Variants in PKIG observed in about 807,000 individuals in gnomAD.
PKIG encodes protein kinase (cAMP-dependent, catalytic) inhibitor gamma.
In PKIG, 1 loss-of-function variant was observed where a neutral mutation model predicts 6.8. The observed-to-expected ratio is 0.15, with a 90% CI of 0.05 to 0.69. The LOEUF is 0.69. Ranked by LOEUF, PKIG falls within the 30% of genes least tolerant of loss-of-function variation. The pLI is 0.82. For synonymous variants in PKIG, 39 were observed against 43.0 expected (o/e 0.91, Z 0.36); for missense variants, 77 against 104.0 (o/e 0.74, Z 1.13).
chr20:44,544,436 GTAGA>G (rs1463664417), intron 1 of PKIG, among the ~76,000 whole-genome samples: 1 of 152,186 alleles, frequency 6.6e-6, no homozygotes, highest in Non-Finnish European at 1.5e-5. Flanking sequence ...TAAGTCCAAA[GTAGA>G]TAGTCTGTTC....
intron 1 of PKIG, among the ~76,000 whole-genome samples, chr20:44,584,000 C>T (rs566808644): frequency 3.9e-5 from 6 of 152,172 alleles, no homozygotes; most frequent in African/African-American, 1.4e-4. Flanking sequence ...TGTATGTGCA[C>T]ACGCATACAC....
At chr20:44,569,903 AGGATTACT>A (rs1420751294) in intron 1 of PKIG, among the ~76,000 whole-genome samples, 1 of 152,186 alleles carries the variant, frequency 6.6e-6, no homozygotes, top group Non-Finnish European at 1.5e-5. Flanking sequence ...CCAAGGCATG[AGGATTACT>A]TGAGACCAGA....
intron 2 of PKIG, among the ~76,000 whole-genome samples, chr20:44,607,291 G>C (rs1178274275): frequency 6.6e-6 from 1 of 151,490 alleles, no homozygotes; most frequent in African/African-American, 2.4e-5. Flanking sequence ...AGTGGCTTCA[G>C]AGTGATCTAC....
rs750733072 is a variant in PKIG at position 44,614,734 on chromosome 20, A to G, written c.151+27A>G. ...TTAGAGCCAGCAGGTCCTTGGCACT[A>G]CTGCATGCCAGAGGCCCTCTGCCGG... On this transcript the variant is annotated intron_variant, in intron 3 of 3. Coordinates refer to ENST00000372886, the MANE Select transcript of PKIG (RefSeq NM_001281445.2). This position sits in a 1 kb window ranked among gnomAD's most constrained non-coding sequence, Gnocchi z 4.6. The G allele has an allele frequency of 1.9e-6, 3 of 1,612,008 alleles. No homozygotes were observed. In the South Asian group the frequency reaches 3.3e-5, roughly 18 times the overall value.
intron 3 of PKIG, among the ~76,000 whole-genome samples, chr20:44,616,269 G>A (rs990443948): frequency 4.6e-5 from 7 of 152,080 alleles, no homozygotes; most frequent in Non-Finnish European, 8.8e-5. Flanking sequence ...CTGCCTCCAT[G>A]AGCCCACTGA....
At chr20:44,606,675 G>C (rs2065166161) in intron 2 of PKIG, among the ~76,000 whole-genome samples, 1 of 152,210 alleles carries the variant, frequency 6.6e-6, no homozygotes, top group Non-Finnish European at 1.5e-5. Context: ...TGGGCGTGGT[G>C]GTGCACACCT....
chr20:44,552,618 A>G (rs2064679162), intron 1 of PKIG, among the ~76,000 whole-genome samples: 1 of 152,194 alleles, frequency 6.6e-6, no homozygotes, highest in Non-Finnish European at 1.5e-5. Flanking sequence ...GCAACTGTAT[A>G]TAAATCTAAC....
At chr20:44,607,361 A>G (rs57656648) in intron 2 of PKIG, among the ~76,000 whole-genome samples, 3,407 of 125,944 alleles carry the variant, frequency 0.027, 76 homozygotes, top group African/African-American at 0.077. Flanking sequence ...GTGTGTGTGT[A>G]TATATATATA....
chr20:44,539,208 C>T (rs990925276), intron 1 of PKIG, among the ~76,000 whole-genome samples: 3 of 152,040 alleles, frequency 2.0e-5, no homozygotes, highest in South Asian at 4.1e-4. Context: ...GTTGGGATTA[C>T]TACAGGCGTG....
In PKIG at chr20:44,618,393, A is replaced by C. The variant is rs1217110614; in HGVS notation, c.*29A>C. On this transcript the variant is annotated 3_prime_UTR_variant, in exon 4 of 4. Coordinates refer to ENST00000372886, the MANE Select transcript of PKIG (RefSeq NM_001281445.2). ...TGACCTTGTCCAAGAAGGCTGGACG[A>C]GAGACCTTCTGTCCCCTCCCAGAGG... 2 of 1,468,852 alleles carry C rather than the reference A, an allele frequency of 1.4e-6. No individual in the cohort carries two copies. Among genetic ancestry groups the C allele is most frequent in the African/African-American group, 2.8e-5 (2 of 72,088 alleles). 91.0% of individuals were successfully genotyped at this position (1,468,852 alleles called of 1,614,324 possible).
chr20:44,609,137 G>T (rs776317823), intron 2 of PKIG, among the ~76,000 whole-genome samples: 1 of 152,094 alleles, frequency 6.6e-6, no homozygotes, highest in Non-Finnish European at 1.5e-5. Context: ...TTCTGCTTTC[G>T]ATTGGAGAGC....
intron 1 of PKIG, among the ~76,000 whole-genome samples, chr20:44,540,432 G>A (rs2064550800): frequency 6.6e-6 from 1 of 152,144 alleles, no homozygotes; most frequent in Admixed American, 6.5e-5. Context: ...TTTCTTGGGT[G>A]ACTACCAATT....
upstream of PKIG, chr20:44,531,909 G>C (rs1005754285): frequency 6.6e-6 from 1 of 152,380 alleles, no homozygotes; most frequent in African/African-American, 2.4e-5. Context: ...TGCGGGCTGC[G>C]GGCGCTAGGC....
chr20:44,611,358 A>G (rs534667981), intron 2 of PKIG, among the ~76,000 whole-genome samples: 15 of 151,874 alleles, frequency 9.9e-5, no homozygotes, highest in African/African-American at 3.6e-4. Flanking sequence ...CCGGCCTAGA[A>G]TGCCTTATTG....
At chr20:44,575,022 C>CA (rs2064884446) in intron 1 of PKIG, among the ~76,000 whole-genome samples, 1 of 152,140 alleles carries the variant, frequency 6.6e-6, no homozygotes, top group African/African-American at 2.4e-5. Context: ...ACAAGGACCT[C>CA]ACATTACCAT....
intron 1 of PKIG, among the ~76,000 whole-genome samples, chr20:44,535,184 G>A (rs942994047): frequency 6.6e-6 from 1 of 152,130 alleles, no homozygotes; most frequent in Non-Finnish European, 1.5e-5. Flanking sequence ...GCCACACAGA[G>A]TAAGAGTTGG....
intron 1 of PKIG, among the ~76,000 whole-genome samples, chr20:44,540,105 C>T (rs2064547627): frequency 6.6e-6 from 1 of 151,818 alleles, no homozygotes; most frequent in Non-Finnish European, 1.5e-5. Flanking sequence ...GGACTACAGG[C>T]GCATGCCACC....
At chr20:44,535,244 C>T (rs1303717765) in intron 1 of PKIG, among the ~76,000 whole-genome samples, 2 of 151,926 alleles carry the variant, frequency 1.3e-5, no homozygotes, top group Non-Finnish European at 2.9e-5. Context: ...GTAGTTTTCC[C>T]ATGGGAACAT....
chr20:44,541,529 T>A (rs2064561768), intron 1 of PKIG, among the ~76,000 whole-genome samples: 1 of 152,178 alleles, frequency 6.6e-6, no homozygotes, highest in Non-Finnish European at 1.5e-5. Context: ...ATTTGAATAT[T>A]TGTACCAAAA....
Sources: allele counts gnomAD v4.1 joint callset (sites outside exome capture counted in the v4.1 genomes callset), GRCh38; gene constraint gnomAD v4.1.1; non-coding constraint Gnocchi (gnomAD v3.1); transcripts MANE v1.5; gene names NCBI Gene and HGNC (gene_info 2026-07-23, HGNC 2026-07-21).